EPHB1: variants seen among roughly 807,000 people sequenced by gnomAD.
The protein encoded by EPHB1 is ephrin type-B receptor 1.
Under a neutral mutation model 94.4 loss-of-function variants are expected in EPHB1, and 30 were observed. That is an observed-to-expected ratio of 0.32 (90% CI 0.24 to 0.43). The LOEUF is 0.43. EPHB1 is among the 20% of genes least tolerant of loss of function. The pLI is 1.00. For missense variants in EPHB1, 1,055 were observed against 1,308.3 expected, an observed-to-expected ratio of 0.81 and a Z score of 2.99; for synonymous variants, 522 against 489.1, an observed-to-expected ratio of 1.07 and a Z score of -0.89.
At chr3:135,119,022 TCTC>T (rs1196597107) in intron 4 of EPHB1, among the ~76,000 whole-genome samples, 1 of 152,160 alleles carries the variant, frequency 6.6e-6, no homozygotes, top group African/African-American at 2.4e-5. Context: ...GCATCAGGCT[TCTC>T]CACACACTGG....
intron 3 of EPHB1, among the ~76,000 whole-genome samples, 183 bp from the exon 4 acceptor site, chr3:135,106,265 C>T (rs1335652348): frequency 2.0e-5 from 3 of 152,182 alleles, no homozygotes; most frequent in Non-Finnish European, 4.4e-5. Context: ...ATATATTTCA[C>T]AAAGGATTTT....
intron 1 of EPHB1, among the ~76,000 whole-genome samples, chr3:134,819,812 C>G (rs1470290630): frequency 1.3e-5 from 2 of 152,196 alleles, no homozygotes; most frequent in Non-Finnish European, 2.9e-5. Flanking sequence ...CTGTTGCCTT[C>G]TTTTCTAGCC....
At chr3:135,011,126 G>T (rs1232203910) in intron 3 of EPHB1, among the ~76,000 whole-genome samples, 1 of 152,112 alleles carries the variant, frequency 6.6e-6, no homozygotes, top group Non-Finnish European at 1.5e-5. Context: ...AACCTGCCTG[G>T]GTTTATATAC....
In EPHB1 at chr3:135,251,874, C is replaced by A. The variant is rs79821456; in HGVS notation, c.2846+2383C>A. On this transcript the variant is annotated intron_variant, in intron 15 of 15. Transcript: ENST00000398015. ...GGCTTTAGAGGAAATACAGTCAGGA[C>A]CTTGGAAGAGTTCTGCCAGCATCCC... Among the ~76,000 whole-genome samples, 4 of 152,254 alleles carry A rather than the reference C, an allele frequency of 2.6e-5. No homozygotes were observed. In the East Asian group the frequency reaches 7.7e-4, roughly 29 times the overall value.
chr3:135,231,810 C>T (rs534650926), intron 12 of EPHB1, among the ~76,000 whole-genome samples: 4 of 152,322 alleles, frequency 2.6e-5, no homozygotes, highest in African/African-American at 4.8e-5. Context: ...GCATGACAAA[C>T]GAGACCATCC....
At chr3:135,250,845 G>A (rs757371301) in intron 15 of EPHB1, among the ~76,000 whole-genome samples, 6 of 152,198 alleles carry the variant, frequency 3.9e-5, no homozygotes, top group South Asian at 2.1e-4. Flanking sequence ...ATCAGTCTGC[G>A]AACACGTATT....
intron 1 of EPHB1, among the ~76,000 whole-genome samples, chr3:134,878,558 C>T (rs2037663541): frequency 6.6e-6 from 1 of 152,190 alleles, no homozygotes; most frequent in South Asian, 2.1e-4. Context: ...GCTGTCTCTG[C>T]TATGGCTTCC....
intron 15 of EPHB1, among the ~76,000 whole-genome samples, chr3:135,257,797 C>T (rs1344210883): frequency 6.6e-6 from 1 of 152,014 alleles, no homozygotes; most frequent in Non-Finnish European, 1.5e-5. Context: ...CAATGGTGGG[C>T]GCCCCTCCCC....
intron 1 of EPHB1, among the ~76,000 whole-genome samples, chr3:134,872,907 T>G (rs914776266): frequency 6.6e-6 from 1 of 152,162 alleles, no homozygotes; most frequent in Non-Finnish European, 1.5e-5. Flanking sequence ...CAGCAGAGGT[T>G]TGCTAAATGA....
intron 2 of EPHB1, among the ~76,000 whole-genome samples, chr3:134,936,569 G>GCC (rs201954787): frequency 9.9e-5 from 15 of 152,074 alleles, no homozygotes; most frequent in Non-Finnish European, 8.8e-5. Flanking sequence ...GGGGCTGAAC[G>GCC]CGCCCCCCCC....
chr3:135,062,996 A>G (rs1937535623), intron 3 of EPHB1, among the ~76,000 whole-genome samples: 1 of 152,122 alleles, frequency 6.6e-6, no homozygotes, highest in Admixed American at 6.5e-5. Flanking sequence ...AGTTGGCTCT[A>G]AGTATTTTGG....
chr3:135,131,163 T>G (rs59540927), intron 4 of EPHB1, among the ~76,000 whole-genome samples: 6,520 of 152,298 alleles, frequency 0.043, 460 homozygotes, highest in African/African-American at 0.14. Flanking sequence ...TCAGTAAAAA[T>G]GCTCCATGAA....
chr3:135,172,085 C>T (rs566933087), intron 9 of EPHB1, among the ~76,000 whole-genome samples: 44 of 152,254 alleles, frequency 2.9e-4, no homozygotes, highest in African/African-American at 1.0e-3. Context: ...GATGTTAGTT[C>T]TGGGATCCCA....
intron 8 of EPHB1, 38 bp downstream of exon 8, chr3:135,166,114 G>A (rs1181686827): frequency 2.2e-5 from 34 of 1,533,728 alleles, no homozygotes; most frequent in Non-Finnish European, 2.9e-5. Context: ...CTTGGACCCA[G>A]GAAGCCCCTC....
In EPHB1 at chr3:135,257,839, AGACT is replaced by A. The variant is rs1481071609; in HGVS notation, c.2847-1171_2847-1168del. Among the ~76,000 whole-genome samples, 6 of 152,024 alleles carry A rather than the reference AGACT, an allele frequency of 3.9e-5. No individual in the cohort carries two copies. The East Asian group carries it at 1.2e-3, about 29-fold the overall frequency. ...GGCTGCTGCCTTGCAGTTTGATCTCAGACTGCTGTGCTAGCAATCAGGGAGACTC... is the reference window on the plus strand; with the variant it reads ...GGCTGCTGCCTTGCAGTTTGATCTCAGCTGTGCTAGCAATCAGGGAGACTC... On this transcript the variant is annotated intron_variant, in intron 15 of 15. Transcript: ENST00000398015.
chr3:135,145,489 A>G (rs533046589), intron 5 of EPHB1, among the ~76,000 whole-genome samples: 96 of 152,262 alleles, frequency 6.3e-4, no homozygotes, highest in African/African-American at 2.2e-3. Context: ...TGGGTTGGGG[A>G]GATAGAAAAT....
intron 3 of EPHB1, among the ~76,000 whole-genome samples, chr3:135,094,532 T>C (rs576582255): frequency 7.9e-5 from 12 of 152,322 alleles, no homozygotes; most frequent in Admixed American, 7.2e-4. Context: ...CATTCTATTC[T>C]GAGGCAGGCA....
chr3:135,115,817 G>A (rs367864256), intron 4 of EPHB1, among the ~76,000 whole-genome samples: 1 of 152,164 alleles, frequency 6.6e-6, no homozygotes, highest in Non-Finnish European at 1.5e-5. Context: ...GCCTAACTCA[G>A]TGTTAGACAC....
intron 3 of EPHB1, chr3:135,067,862 C>T (rs935305145): frequency 5.9e-5 from 9 of 152,348 alleles, no homozygotes; most frequent in Admixed American, 2.0e-4. Flanking sequence ...GAGCCTTTCT[C>T]GCAGCTTCCT....
Sources: gnomAD v4.1 joint callset for allele counts (sites outside exome capture counted in the v4.1 genomes callset) on GRCh38, gnomAD v4.1.1 for gene constraint, MANE v1.5 for transcripts, NCBI Gene and HGNC (gene_info 2026-07-23, HGNC 2026-07-21) for gene names.